UVSSA: variants seen among roughly 807,000 people sequenced by gnomAD.
UVSSA encodes the protein UV-stimulated scaffold protein A.
UVSSA carries 72 observed loss-of-function variants against 73.9 expected under a neutral mutation model. The ratio of observed to expected loss-of-function variants is 0.97; its 90% CI spans 0.81 to 1.19. UVSSA has a LOEUF of 1.19. Ranked by LOEUF, UVSSA falls within the 50% of genes most tolerant of loss-of-function variation. UVSSA has a pLI of 0.00. For missense variants in UVSSA, 1,150 were observed against 965.0 expected, an observed-to-expected ratio of 1.19 and a Z score of -2.54; for synonymous variants, 454 against 391.3, an observed-to-expected ratio of 1.16 and a Z score of -1.89.
exon 14 of UVSSA, chr4:1,395,857 A>G (rs1243203292): frequency 3.1e-6 from 5 of 1,611,126 alleles, no homozygotes; most frequent in Non-Finnish European, 4.2e-6. Flanking sequence ...ACGTAGGAAT[A>G]TTAGGGATGA....
At chr4:1,360,254 A>T (rs979575629) in intron 7 of UVSSA, among the ~76,000 whole-genome samples, 2 of 152,214 alleles carry the variant, frequency 1.3e-5, no homozygotes, top group African/African-American at 4.8e-5. Flanking sequence ...AGGCCCAGCC[A>T]GGGCCTTGTG....
At position 1,373,676 on chromosome 4, in the gene UVSSA, A is replaced by G. The variant is rs180871856; in HGVS notation, c.1289-1688A>G. Among the ~76,000 whole-genome samples, 6 of 152,086 alleles carry G rather than the reference A, an allele frequency of 3.9e-5. No individual in the cohort carries two copies. In the East Asian group the frequency reaches 1.2e-3, roughly 29 times the overall value. On this transcript the variant is annotated intron_variant, in intron 8 of 13. Transcript: ENST00000389851. ...GAAAATGTGGCTCATTGTTTCTTCAACTGTTTTCTGCACTCCAATTATGTC... is the reference window on the plus strand; with the variant it reads ...GAAAATGTGGCTCATTGTTTCTTCAGCTGTTTTCTGCACTCCAATTATGTC...
chr4:1,359,017 G>C (rs1357823757), intron 7 of UVSSA: 1 of 152,216 alleles, frequency 6.6e-6, no homozygotes. Flanking sequence ...GGCTCTCCTC[G>C]GGCAGCCACC....
intron 3 of UVSSA, among the ~76,000 whole-genome samples, 180 bp from the exon 4 acceptor site, chr4:1,351,535 G>A (rs1457759454): frequency 1.3e-5 from 2 of 150,128 alleles, no homozygotes; most frequent in South Asian, 2.1e-4. Flanking sequence ...ACAGGCGCCC[G>A]CCACCTCGCC....
chr4:1,366,485 G>T, intron 8 of UVSSA, 54 bp downstream of exon 8: 10 of 1,410,066 alleles, frequency 7.1e-6, no homozygotes, highest in Non-Finnish European at 9.8e-6. Flanking sequence ...CCCCACTCAG[G>T]ATGTGGCCCC....
intron 12 of UVSSA, among the ~76,000 whole-genome samples, chr4:1,381,497 C>T (rs10023473): frequency 0.69 from 105,659 of 152,074 alleles, 36,888 homozygotes; most frequent in Admixed American, 0.75. Context: ...ACAGCAAGGC[C>T]ACTGTGGGGC....
At chr4:1,395,711 C>G in exon 14 of UVSSA, 1 of 1,614,222 alleles carries the variant, frequency 6.2e-7, no homozygotes, top group Non-Finnish European at 8.5e-7. Flanking sequence ...CACACAAAGC[C>G]CTGGCATGGT....
At chr4:1,366,597 G>A (rs1477047964) in intron 8 of UVSSA, among the ~76,000 whole-genome samples, 166 bp downstream of exon 8, 1 of 152,198 alleles carries the variant, frequency 6.6e-6, no homozygotes, top group Admixed American at 6.5e-5. Flanking sequence ...TAGCCACGAG[G>A]CCGAGAAGTC....
intron 1 of UVSSA, 52 bp from the exon 2 acceptor site, chr4:1,348,038 G>A (rs909466769): frequency 1.8e-5 from 26 of 1,432,746 alleles, no homozygotes; most frequent in Non-Finnish European, 2.3e-5. Context: ...ATAACACCGA[G>A]AGCTATAAAA....
At chr4:1,384,130 G>T in intron 13 of UVSSA, 190 bp downstream of exon 13, 1 of 705,360 alleles carries the variant, frequency 1.4e-6, no homozygotes. Flanking sequence ...GGGGCAGCAG[G>T]CAGGTCTGCT....
At chr4:1,350,672 A>G (rs1465507360) in intron 3 of UVSSA, among the ~76,000 whole-genome samples, 2 of 151,846 alleles carry the variant, frequency 1.3e-5, no homozygotes, top group African/African-American at 2.4e-5. Flanking sequence ...GTGCACACCC[A>G]CAGTCCCACT....
In UVSSA at chr4:1,386,974, C is replaced by T. The variant is rs1252600967; in HGVS notation, c.*1013C>T. ...CCTCAAGCGATCCTCCTGCTTCGGTCTCCCAAAGTGTTGGGATTACAGGCA... is the reference window on the plus strand; with the variant it reads ...CCTCAAGCGATCCTCCTGCTTCGGTTTCCCAAAGTGTTGGGATTACAGGCA... On this transcript the variant is annotated 3_prime_UTR_variant, in exon 14 of 14. Coordinates refer to ENST00000389851, the MANE Select transcript of UVSSA (RefSeq NM_020894.4). The T allele has an allele frequency of 6.6e-6, 1 of 151,928 alleles. No individual in the cohort carries two copies. Among genetic ancestry groups the T allele is most frequent in the Non-Finnish European group, 1.5e-5 (1 of 68,030 alleles). 9.4% of individuals were successfully genotyped at this position (151,928 alleles called of 1,614,324 possible). A position where few individuals can be genotyped will look rare whatever the true frequency, so the allele number is the denominator to read the frequency against.
rs1460799594 is a variant in UVSSA at position 1,380,243 on chromosome 4, C to A, written c.1752+13C>A. On this transcript the variant is annotated intron_variant, in intron 11 of 13. Transcript: ENST00000389851. The stretch of plus-strand genomic sequence containing the variant: ...AGACCGGCTGAAGGTGAGGCCGTGG[C>A]CCGAGGGCGGGGGTGGGTGTGGGCT... 6.2e-7 allele frequency: 1 copy of A among 1,604,960 alleles called. No homozygotes were observed. Among genetic ancestry groups the A allele is most frequent in the African/African-American group, 1.3e-5 (1 of 74,794 alleles).
intron 5 of UVSSA, 123 bp downstream of exon 5, chr4:1,353,536 A>G (rs1715144079): frequency 1.5e-6 from 2 of 1,308,842 alleles, no homozygotes; most frequent in South Asian, 3.3e-5. Context: ...GAGCTAGGTC[A>G]GGGGTCACCA....
chr4:1,353,409 C>G lies in UVSSA; in HGVS notation c.930C>G (p.Cys310Trp). 6.5e-7 allele frequency: 1 copy of G among 1,539,716 alleles called. No individual in the cohort carries two copies. Among genetic ancestry groups the G allele is most frequent in the Non-Finnish European group, 8.8e-7 (1 of 1,140,866 alleles). The change falls in exon 5 of 14, where the codon TGC (cysteine) becomes TGG (tryptophan). Residue 310 changes from cysteine to tryptophan, a missense_variant. By Grantham distance (215) the Cys-to-Trp change is radical. Coordinates refer to ENST00000389851, the MANE Select transcript of UVSSA (RefSeq NM_020894.4). ...AGTACACGCTGGATGTGGAGCTCTGCTCAGGTAACTGCCTTCGCGGGGTCT... is the reference window on the plus strand; with the variant it reads ...AGTACACGCTGGATGTGGAGCTCTGGTCAGGTAACTGCCTTCGCGGGGTCT... ...SHKYTLDVEL[C>W]SEGLKVQENE...
chr4:1,353,510 A>G, intron 5 of UVSSA, 97 bp downstream of exon 5: 3 of 1,408,656 alleles, frequency 2.1e-6, no homozygotes, highest in Non-Finnish European at 1.9e-6. Flanking sequence ...CTGGGGATGC[A>G]GGGGCCTCCC....
At chr4:1,369,603 C>G (rs533912249) in intron 8 of UVSSA, among the ~76,000 whole-genome samples, 6 of 152,344 alleles carry the variant, frequency 3.9e-5, no homozygotes, top group African/African-American at 1.4e-4. Context: ...CCATTTCTGT[C>G]AGGACATAAT....
Position 1,375,197 on chromosome 4 carries a change from C to G in UVSSA, c.1289-167C>G, listed in dbSNP as rs375344354. 14 of 1,143,212 alleles carry G rather than the reference C, an allele frequency of 1.2e-5. No individual in the cohort carries two copies. The South Asian group carries it at 1.3e-4, about 11-fold the overall frequency. The allele number at this position is 1,143,212 out of a possible 1,614,324, so 70.8% of individuals were successfully genotyped here. ...GCAGAGCGTGGCCTGAGCTGCTGCTCCGGGCCTCACCCTCGCCCGTGAGGA... is the reference window on the plus strand; with the variant it reads ...GCAGAGCGTGGCCTGAGCTGCTGCTGCGGGCCTCACCCTCGCCCGTGAGGA... On this transcript the variant is annotated intron_variant, in intron 8 of 13. Coordinates refer to ENST00000389851, the MANE Select transcript of UVSSA (RefSeq NM_020894.4).
intron 11 of UVSSA, 27 bp downstream of exon 11, chr4:1,380,257 TG>T (rs1719320255): frequency 3.8e-6 from 6 of 1,595,492 alleles, no homozygotes; most frequent in Non-Finnish European, 3.4e-6. Context: ...AGGGCGGGGG[TG>T]GGTGTGGGCT....
Sources: gnomAD v4.1 joint callset for allele counts (sites outside exome capture counted in the v4.1 genomes callset) on GRCh38, gnomAD v4.1.1 for gene constraint, MANE v1.5 for transcripts, NCBI Gene and HGNC (gene_info 2026-07-23, HGNC 2026-07-21) for gene names.